Variants in C9orf40 observed in about 807,000 individuals in gnomAD.
The protein encoded by C9orf40 is uncharacterized protein C9orf40.
C9orf40 carries 2 observed loss-of-function variants against 7.9 expected under a neutral mutation model. The ratio of observed to expected loss-of-function variants is 0.25; its 90% CI spans 0.10 to 0.80. The LOEUF (loss-of-function observed/expected upper bound fraction) is 0.80, where lower values mean the gene tolerates loss of function less well. Among genes scored for constraint, C9orf40 ranks in the 30% least tolerant of loss-of-function variants. The pLI, the probability that C9orf40 is intolerant of heterozygous loss-of-function variation, is 0.68. For missense variants in C9orf40, 256 were observed against 268.5 expected (o/e 0.95, Z 0.33); for synonymous variants, 113 against 117.6 (o/e 0.96, Z 0.25).
chr9:74,952,510 C>A lies in C9orf40; in HGVS notation c.102G>T (p.Trp34Cys), dbSNP rs1356239628. 14 of 1,593,518 alleles carry A rather than the reference C, an allele frequency of 8.8e-6. No homozygotes were observed. Among genetic ancestry groups the A allele is most frequent in the Non-Finnish European group, 1.1e-5 (13 of 1,177,744 alleles). The stretch of plus-strand genomic sequence containing the variant: ...CATGCGCGACCCCGGGCGGCCGGAT[C>A]CAGAGAGGCGGTGGCGGCGGCTGCT... ...FAEQPPPPPL[W>C]IRPPGVAHAG... Residue 34 changes from tryptophan to cysteine, a missense_variant, in exon 1 of 2, where the codon TGG becomes TGT. By Grantham distance (215) the Trp-to-Cys change is radical. Coordinates refer to ENST00000376854, the MANE Select transcript of C9orf40 (RefSeq NM_017998.3). The surrounding 1 kb of genome is among the most constrained non-coding windows in gnomAD (Gnocchi z 5.4).
At position 74,952,504 on chromosome 9, in the gene C9orf40, C is replaced by T. The variant is rs1018803995; in HGVS notation, c.108G>A (p.Arg36=). The change falls in exon 1 of 2, where the codon CGG becomes CGA. Residue 36 remains arginine (R), a synonymous_variant. Coordinates refer to ENST00000376854, the MANE Select transcript of C9orf40 (RefSeq NM_017998.3). This position sits in a 1 kb window ranked among gnomAD's most constrained non-coding sequence, Gnocchi z 5.4. ...GCCCAGCATGCGCGACCCCGGGCGG[C>T]CGGATCCAGAGAGGCGGTGGCGGCG... ...EQPPPPPLWI[R]PPGVAHAGQL... is the part of the protein sequence containing the mutation. 1.3e-6 allele frequency: 2 copies of T among 1,593,962 alleles called. No individual in the cohort carries two copies.
chr9:74,948,734 TA>T (rs911883123), intron 1 of C9orf40, among the ~76,000 whole-genome samples: 14 of 149,288 alleles, frequency 9.4e-5, no homozygotes, highest in African/African-American at 1.7e-4. Context: ...TTATTAAAGA[TA>T]AAAAAAAAAT....
Position 74,952,526 on chromosome 9 carries a change from G to T in C9orf40, c.86C>A (p.Pro29Gln), listed in dbSNP as rs1257772670. The change falls in exon 1 of 2, where the codon CCG becomes CAG. Residue 29 changes from proline to glutamine, a missense_variant. Pro to Gln is a moderately conservative substitution (Grantham distance 76). Transcript: ENST00000376854. This position sits in a 1 kb window ranked among gnomAD's most constrained non-coding sequence, Gnocchi z 5.4. ...LLLCDFAEQP[P>Q]PPPLWIRPPG... ...CGGCCGGATCCAGAGAGGCGGTGGCGGCGGCTGCTCAGCGAAGTCGCAAAG... is the reference window on the plus strand; with the variant it reads ...CGGCCGGATCCAGAGAGGCGGTGGCTGCGGCTGCTCAGCGAAGTCGCAAAG... The T allele has an allele frequency of 2.5e-6, 4 of 1,589,234 alleles. No individual in the cohort carries two copies. Among genetic ancestry groups the T allele is most frequent in the Non-Finnish European group, 3.4e-6 (4 of 1,176,284 alleles).
Position 74,948,220 on chromosome 9 carries a change from A to G in C9orf40, c.427-14T>C, listed in dbSNP as rs1339411323. The G allele has an allele frequency of 3.1e-6, 5 of 1,593,516 alleles. No individual in the cohort carries two copies. In the Admixed American group the frequency reaches 7.0e-5, roughly 22 times the overall value. ...TTCTTCATTGTGCTTTAGAGAAAAA[A>G]GAGAGATCAAAGAGCATCAATAGCT... On this transcript the variant is annotated splice_polypyrimidine_tract_variant and intron_variant, in intron 1 of 1. Coordinates refer to ENST00000376854, the MANE Select transcript of C9orf40 (RefSeq NM_017998.3).
Position 74,952,330 on chromosome 9 carries a change from T to C in C9orf40, c.282A>G (p.Thr94=), listed in dbSNP as rs777991430. ...GQEREDHGLE[T]GDPPLPPPPV... is the part of the protein sequence containing the mutation. ...GCGGCGGCGGCAGCGGCGGATCGCCTGTCTCCAGACCGTGGTCCTCACGCT... is the reference window on the plus strand; with the variant it reads ...GCGGCGGCGGCAGCGGCGGATCGCCCGTCTCCAGACCGTGGTCCTCACGCT... The change falls in exon 1 of 2, where the codon ACA becomes ACG. Residue 94 remains threonine, a synonymous_variant. Coordinates refer to ENST00000376854, the MANE Select transcript of C9orf40 (RefSeq NM_017998.3). This position sits in a 1 kb window ranked among gnomAD's most constrained non-coding sequence, Gnocchi z 5.4. 6.2e-6 allele frequency: 9 copies of C among 1,448,620 alleles called. No individual in the cohort carries two copies. In the South Asian group the frequency reaches 1.3e-4, roughly 20 times the overall value. The allele number at this position is 1,448,620 out of a possible 1,614,324, so 89.7% of individuals were successfully genotyped here.
Position 74,952,427 on chromosome 9 carries a change from G to A in C9orf40, c.185C>T (p.Thr62Ile). 6.3e-7 allele frequency: 1 copy of A among 1,599,636 alleles called. No homozygotes were observed. Among genetic ancestry groups the A allele is most frequent in the Non-Finnish European group, 8.5e-7 (1 of 1,177,770 alleles). The change falls in exon 1 of 2, where the codon ACC (threonine) becomes ATC (isoleucine). Residue 62 changes from threonine (T) to isoleucine (I), a missense_variant. Thr to Ile is a moderately conservative substitution (Grantham distance 89). Coordinates refer to ENST00000376854, the MANE Select transcript of C9orf40 (RefSeq NM_017998.3). This position sits in a 1 kb window ranked among gnomAD's most constrained non-coding sequence, Gnocchi z 5.4. The stretch of plus-strand genomic sequence containing the variant: ...GGGCGAAGCCGAGGGCTCTGCCATG[G>A]TCCCTGCGTCGATTTTGCGCTTTCG... ...QHRKRKIDAG[T>I]MAEPSASPSK...
Position 74,952,827 on chromosome 9 carries a change from G to T in C9orf40, c.-216C>A. ...GCAGCTCCCGCGCTCAGCCCTCGCC[G>T]CCGCCGAGATGCGGCCCGGACGTTG... On this transcript the variant is annotated 5_prime_UTR_variant, in exon 1 of 2. Transcript: ENST00000376854. The surrounding 1 kb of genome is among the most constrained non-coding windows in gnomAD (Gnocchi z 5.4). 1 of 493,680 alleles carries T rather than the reference G, an allele frequency of 2.0e-6. No homozygotes were observed. Among genetic ancestry groups the T allele is most frequent in the Non-Finnish European group, 3.5e-6 (1 of 282,454 alleles). 30.6% of individuals were successfully genotyped at this position (493,680 alleles called of 1,614,324 possible).
Position 74,952,173 on chromosome 9 carries a change from C to T in C9orf40, c.426+13G>A. ...CCCCTTCGCCCCTCAGCCCACCCGC[C>T]CCCAGCCCCTACCTGGCGCGATGCG... On this transcript the variant is annotated intron_variant, in intron 1 of 1. Transcript: ENST00000376854. The surrounding 1 kb of genome is among the most constrained non-coding windows in gnomAD (Gnocchi z 5.4). The T allele has an allele frequency of 1.7e-6, 1 of 578,736 alleles. No homozygotes were observed. The highest frequency in any genetic ancestry group is 5.6e-4 in the Middle Eastern group (1 of 1,788). 35.9% of individuals were successfully genotyped at this position (578,736 alleles called of 1,614,324 possible). A position where few individuals can be genotyped will look rare whatever the true frequency, so the allele number is the denominator to read the frequency against.
In C9orf40 at chr9:74,952,410, C is replaced by T; in HGVS notation, c.202G>A (p.Ala68Thr). 6.3e-7 allele frequency: 1 copy of T among 1,589,124 alleles called. No individual in the cohort carries two copies. Among genetic ancestry groups the T allele is most frequent in the Non-Finnish European group, 8.5e-7 (1 of 1,174,136 alleles). The change falls in exon 1 of 2, where the codon GCT becomes ACT. Residue 68 changes from alanine to threonine, a missense_variant. Coordinates refer to ENST00000376854, the MANE Select transcript of C9orf40 (RefSeq NM_017998.3). The surrounding 1 kb of genome is among the most constrained non-coding windows in gnomAD (Gnocchi z 5.4). ...IDAGTMAEPS[A>T]SPSKRRDSGD... Reference sequence around the variant, plus strand: ...CTGTCACGGCGCTTGCTGGGCGAAGCCGAGGGCTCTGCCATGGTCCCTGCG... The same window carrying T: ...CTGTCACGGCGCTTGCTGGGCGAAGTCGAGGGCTCTGCCATGGTCCCTGCG...
At chr9:74,949,099 TATTGATAAA>T (rs1266460388) in intron 1 of C9orf40, among the ~76,000 whole-genome samples, 1 of 152,230 alleles carries the variant, frequency 6.6e-6, no homozygotes, top group Non-Finnish European at 1.5e-5. Flanking sequence ...ATCTTGACCT[TATTGATAAA>T]ATGGAGGACT....
At position 74,947,165 on chromosome 9, in the gene C9orf40, G is replaced by C. The variant is rs149950492; in HGVS notation, c.*883C>G. On this transcript the variant is annotated 3_prime_UTR_variant, in exon 2 of 2. Coordinates refer to ENST00000376854, the MANE Select transcript of C9orf40 (RefSeq NM_017998.3). ...CTGTCTGCACATGAGAGGAATGGAG[G>C]GAAACAGGACAGGTGTTTAAAAAAA... The C allele has an allele frequency of 2.1e-3, 314 of 152,622 alleles. 1 individual carries two copies. The highest frequency in any genetic ancestry group is 7.1e-3 in the African/African-American group (294 of 41,538). 9.5% of individuals were successfully genotyped at this position (152,622 alleles called of 1,614,324 possible). A position where few individuals can be genotyped will look rare whatever the true frequency, so the allele number is the denominator to read the frequency against.
intron 1 of C9orf40, among the ~76,000 whole-genome samples, chr9:74,951,837 T>G (rs1478944866): frequency 6.6e-6 from 1 of 152,244 alleles, no homozygotes; most frequent in African/African-American, 2.4e-5. Flanking sequence ...CGTTTGTCTT[T>G]GGGCTGAACC....
chr9:74,952,230 G>T lies in C9orf40; in HGVS notation c.382C>A (p.Arg128Ser), dbSNP rs2118681961. Residue 128 changes from arginine (R) to serine (S), a missense_variant, in exon 1 of 2, where the codon CGC becomes AGC. Transcript: ENST00000376854. The surrounding 1 kb of genome is among the most constrained non-coding windows in gnomAD (Gnocchi z 5.4). ...PGGGGDDGAG[R>S]AGPPRGDWGV... The stretch of plus-strand genomic sequence containing the variant: ...CAGTCTCCCCGCGGGGGTCCTGCGC[G>T]CCCCGCCCCGTCGTCGCCACCGCCC... The T allele has an allele frequency of 2.8e-6, 3 of 1,078,338 alleles. No individual in the cohort carries two copies. The highest frequency in any genetic ancestry group is 3.4e-6 in the Non-Finnish European group (3 of 887,660). 66.8% of individuals were successfully genotyped at this position (1,078,338 alleles called of 1,614,324 possible).
rs1365230325 is a variant in C9orf40 at position 74,947,324 on chromosome 9, C to T, written c.*724G>A. The T allele has an allele frequency of 1.3e-5, 2 of 152,576 alleles. No homozygotes were observed. The highest frequency in any genetic ancestry group is 1.9e-4 in the East Asian group (1 of 5,202). 9.5% of individuals were successfully genotyped at this position (152,576 alleles called of 1,614,324 possible). On this transcript the variant is annotated 3_prime_UTR_variant, in exon 2 of 2. Transcript: ENST00000376854. The stretch of plus-strand genomic sequence containing the variant: ...AGTAATAAGGAATAAAACCATGCCT[C>T]GAAGCAATTCAAAACCAAGAAGCTG...
In C9orf40 at chr9:74,952,602, G is replaced by T; in HGVS notation, c.10C>A (p.Arg4=). The change falls in exon 1 of 2, where the codon CGG becomes AGG. Residue 4 remains arginine (R), a synonymous_variant. Transcript: ENST00000376854. The surrounding 1 kb of genome is among the most constrained non-coding windows in gnomAD (Gnocchi z 5.4). MAK[R]RAAEPVTFHV... is the part of the protein sequence containing the mutation. ...AACGTCACCGGCTCGGCCGCACGCC[G>T]CTTGGCCATGGGCCCAGAGGCTCGG... 1.3e-6 allele frequency: 2 copies of T among 1,565,506 alleles called. No homozygotes were observed. Among genetic ancestry groups the T allele is most frequent in the Non-Finnish European group, 1.7e-6 (2 of 1,166,224 alleles).
In C9orf40 at chr9:74,952,222, T is replaced by C; in HGVS notation, c.390A>G (p.Gly130=). 1 of 842,498 alleles carries C rather than the reference T, an allele frequency of 1.2e-6. No homozygotes were observed. The highest frequency in any genetic ancestry group is 1.3e-6 in the Non-Finnish European group (1 of 743,544). 52.2% of individuals were successfully genotyped at this position (842,498 alleles called of 1,614,324 possible). Reference sequence around the variant, plus strand: ...CGACCCCCCAGTCTCCCCGCGGGGGTCCTGCGCGCCCCGCCCCGTCGTCGC... The same window carrying C: ...CGACCCCCCAGTCTCCCCGCGGGGGCCCTGCGCGCCCCGCCCCGTCGTCGC... The part of the protein sequence containing the change: ...GGGDDGAGRA[G]PPRGDWGVAS... The change falls in exon 1 of 2, where the codon GGA becomes GGG. Residue 130 remains glycine (G), a synonymous_variant. Coordinates refer to ENST00000376854, the MANE Select transcript of C9orf40 (RefSeq NM_017998.3). The surrounding 1 kb of genome is among the most constrained non-coding windows in gnomAD (Gnocchi z 5.4).
chr9:74,951,980 C>A (rs545933066), intron 1 of C9orf40, among the ~76,000 whole-genome samples: 1 of 152,226 alleles, frequency 6.6e-6, no homozygotes, highest in African/African-American at 2.4e-5. Context: ...CTGTTTCCCC[C>A]TCGCCCAGCC....
At chr9:74,950,957 C>G (rs1832288242) in intron 1 of C9orf40, among the ~76,000 whole-genome samples, 1 of 152,048 alleles carries the variant, frequency 6.6e-6, no homozygotes, top group African/African-American at 2.4e-5. Context: ...GTAAAAGAAA[C>G]TTCTGGTATT....
intron 1 of C9orf40, among the ~76,000 whole-genome samples, chr9:74,948,906 G>C (rs1195609229): frequency 5.3e-5 from 8 of 152,042 alleles, no homozygotes; most frequent in South Asian, 4.1e-4. Flanking sequence ...TAAGTCAAAA[G>C]ATATTAAGAA....
Sources: allele counts gnomAD v4.1 joint callset (sites outside exome capture counted in the v4.1 genomes callset), GRCh38; gene constraint gnomAD v4.1.1; non-coding constraint Gnocchi (gnomAD v3.1); transcripts MANE v1.5; gene names NCBI Gene and HGNC (gene_info 2026-07-23, HGNC 2026-07-21).